The following CAMSAP3 variants were observed in gnomAD, a reference collection of about 807,000 sequenced individuals.
CAMSAP3 encodes calmodulin regulated spectrin associated protein family member 3.
In CAMSAP3, 34 loss-of-function variants were observed where a neutral mutation model predicts 112.5. The observed-to-expected ratio is 0.30, with a 90% CI of 0.23 to 0.40. The LOEUF (loss-of-function observed/expected upper bound fraction) is 0.40, where lower values mean the gene tolerates loss of function less well. CAMSAP3 is among the 10% of genes least tolerant of loss of function. CAMSAP3 has a pLI of 1.00. For missense variants in CAMSAP3, 1,602 were observed against 1,770.3 expected, an observed-to-expected ratio of 0.90 and a Z score of 1.71; for synonymous variants, 868 against 799.8, an observed-to-expected ratio of 1.09 and a Z score of -1.44.
Position 7,607,846 on chromosome 19 carries a change from A to G in CAMSAP3, c.622-280A>G. 3 of 1,382,798 alleles carry G rather than the reference A, an allele frequency of 2.2e-6. No homozygotes were observed. Among genetic ancestry groups the G allele is most frequent in the Non-Finnish European group, 2.9e-6 (3 of 1,023,576 alleles). 85.7% of individuals were successfully genotyped at this position (1,382,798 alleles called of 1,614,324 possible). On this transcript the variant is annotated intron_variant, in intron 4 of 16. Transcript: ENST00000160298. The surrounding 1 kb of genome is among the most constrained non-coding windows in gnomAD (Gnocchi z 4.9). ...CACGCAATTGCCTTCTGTTTGAAGG[A>G]GTCGGGGAGCAAACCCCCCATGGTA...
rs768798419 is a variant in CAMSAP3 at position 7,607,792 on chromosome 19, C to G, written c.622-334C>G. The G allele has an allele frequency of 4.3e-5, 45 of 1,053,128 alleles. 1 individual carries two copies. Among genetic ancestry groups the G allele is most frequent in the Middle Eastern group, 3.0e-4 (1 of 3,358 alleles). 65.2% of individuals were successfully genotyped at this position (1,053,128 alleles called of 1,614,324 possible). A position where few individuals can be genotyped will look rare whatever the true frequency, so the allele number is the denominator to read the frequency against. ...GCCCAGCAGGTCAGCACCCCTCCCC[C>G]TTGCTGATGGCTGCTCCTCTCCCCC... On this transcript the variant is annotated intron_variant, in intron 4 of 16. Coordinates refer to ENST00000160298, the MANE Select transcript of CAMSAP3 (RefSeq NM_020902.2). The surrounding 1 kb of genome is among the most constrained non-coding windows in gnomAD (Gnocchi z 4.9).
At chr19:7,616,450 A>T in intron 13 of CAMSAP3, 73 bp from the exon 14 acceptor site, 1 of 1,094,708 alleles carries the variant, frequency 9.1e-7, no homozygotes, top group Non-Finnish European at 1.4e-6. Flanking sequence ...TGTTCCCCCC[A>T]CAGCCTGCTG....
At chr19:7,596,286 G>T in intron 1 of CAMSAP3, 136 bp downstream of exon 1, 1 of 302,124 alleles carries the variant, frequency 3.3e-6, no homozygotes, top group Non-Finnish European at 4.9e-6. Flanking sequence ...CCCCGGGCTC[G>T]GGCCCCTGCC....
intron 3 of CAMSAP3, 30 bp downstream of exon 3, chr19:7,606,423 G>A (rs755352558): frequency 2.5e-6 from 4 of 1,612,182 alleles, no homozygotes; most frequent in Admixed American, 3.3e-5. Context: ...GGGTGGGTTC[G>A]GGGACCAGCA....
Position 7,600,085 on chromosome 19 carries a change from A to G in CAMSAP3, c.148+3935A>G, listed in dbSNP as rs189623645. On this transcript the variant is annotated intron_variant, in intron 1 of 16. Coordinates refer to ENST00000160298, the MANE Select transcript of CAMSAP3 (RefSeq NM_020902.2). Reference sequence around the variant, plus strand: ...CGCCCATCCATCCATCCACCCACCCATCCATCCACCTACCCACACTCCCAC... The same window carrying G: ...CGCCCATCCATCCATCCACCCACCCGTCCATCCACCTACCCACACTCCCAC... Among the ~76,000 whole-genome samples, 24 of 15,356 alleles carry G rather than the reference A, an allele frequency of 1.6e-3. 1 individual carries two copies. Among genetic ancestry groups the G allele is most frequent in the African/African-American group, 9.7e-3 (24 of 2,482 alleles). The allele number at this position is 15,356 out of a possible 152,430, so 10.1% of individuals were successfully genotyped here. A position where few individuals can be genotyped will look rare whatever the true frequency, so the allele number is the denominator to read the frequency against.
At chr19:7,609,023 TA>T (rs964073039) in intron 5 of CAMSAP3, among the ~76,000 whole-genome samples, 9 of 149,384 alleles carry the variant, frequency 6.0e-5, no homozygotes, top group Admixed American at 1.3e-4. Context: ...TCTTTTTTAT[TA>T]AAAAAAAAAT....
In CAMSAP3 at chr19:7,616,405, G is replaced by A. The variant is rs531402002; in HGVS notation, c.3113-118G>A. The A allele has an allele frequency of 7.9e-5, 59 of 744,100 alleles. No homozygotes were observed. The African/African-American group carries it at 8.9e-4, about 11-fold the overall frequency. The allele number at this position is 744,100 out of a possible 1,614,324, so 46.1% of individuals were successfully genotyped here. A position where few individuals can be genotyped will look rare whatever the true frequency, so the allele number is the denominator to read the frequency against. On this transcript the variant is annotated intron_variant, in intron 13 of 16. Coordinates refer to ENST00000160298, the MANE Select transcript of CAMSAP3 (RefSeq NM_020902.2). ...GTCCCCCCATAGGGGTGCTGCAGAG[G>A]GCCGAGGGGTCTTGGGCAGGACTGA...
Position 7,596,119 on chromosome 19 carries a change from G to A in CAMSAP3, c.117G>A (p.Ala39=), listed in dbSNP as rs1568436102. 1 of 1,244,124 alleles carries A rather than the reference G, an allele frequency of 8.0e-7. No individual in the cohort carries two copies. Among genetic ancestry groups the A allele is most frequent in the Non-Finnish European group, 1.0e-6 (1 of 965,518 alleles). The allele number at this position is 1,244,124 out of a possible 1,614,324, so 77.1% of individuals were successfully genotyped here. A position where few individuals can be genotyped will look rare whatever the true frequency, so the allele number is the denominator to read the frequency against. ...GGGCCAAGGCGGCGGCCAGCCTGGC[G>A]TGGGTGCTGCGGGCCGCGTTCGGGG... ...FSRAKAAASL[A]WVLRAAFGGA... Residue 39 remains alanine (A), a synonymous_variant, in exon 1 of 17, where the codon GCG becomes GCA. Transcript: ENST00000160298.
Position 7,611,064 on chromosome 19 carries a change from T to C in CAMSAP3, c.1050-31T>C, listed in dbSNP as rs1306352861. On this transcript the variant is annotated intron_variant, in intron 8 of 16. Transcript: ENST00000160298. This position sits in a 1 kb window ranked among gnomAD's most constrained non-coding sequence, Gnocchi z 6.9. Reference sequence around the variant, plus strand: ...GGAGAGGCGGAGGAGGAGGTGGGGGTCCTGAGGCTGAAGTACGTCTCTCCG... The same window carrying C: ...GGAGAGGCGGAGGAGGAGGTGGGGGCCCTGAGGCTGAAGTACGTCTCTCCG... The C allele has an allele frequency of 6.2e-7, 1 of 1,611,318 alleles. No individual in the cohort carries two copies. Among genetic ancestry groups the C allele is most frequent in the Non-Finnish European group, 8.5e-7 (1 of 1,178,534 alleles).
In CAMSAP3 at chr19:7,616,760, G is replaced by A. The variant is rs115869084; in HGVS notation, c.3212+138G>A. 2,143 of 631,200 alleles carry A rather than the reference G, an allele frequency of 3.4e-3. 28 individuals are homozygous for A. The African/African-American group carries it at 0.035, about 10-fold the overall frequency. 39.1% of individuals were successfully genotyped at this position (631,200 alleles called of 1,614,324 possible). On this transcript the variant is annotated intron_variant, in intron 14 of 16. Coordinates refer to ENST00000160298, the MANE Select transcript of CAMSAP3 (RefSeq NM_020902.2). ...ACGCCATGAAGAGATGGAGGGACGC[G>A]TGTGGGCACGTGTGCATGGGGCATA...
At position 7,608,236 on chromosome 19, in the gene CAMSAP3, C is replaced by G. The variant is rs201741898; in HGVS notation, c.732C>G (p.Cys244Trp). 125 of 1,612,570 alleles carry G rather than the reference C, an allele frequency of 7.8e-5. No individual in the cohort carries two copies. Among genetic ancestry groups the G allele is most frequent in the Non-Finnish European group, 1.0e-4 (121 of 1,179,728 alleles). ...CCGCGCTGGCCGCCACCATCCACTGCTATTGTCCCCAGCTGCTTCGACTTG... is the reference window on the plus strand; with the variant it reads ...CCGCGCTGGCCGCCACCATCCACTGGTATTGTCCCCAGCTGCTTCGACTTG... ...SGAALAATIHCYCPQLLRLEE... is the reference protein window; with the variant it reads ...SGAALAATIHWYCPQLLRLEE... The change falls in exon 5 of 17, where the codon TGC (cysteine) becomes TGG (tryptophan). Residue 244 changes from cysteine to tryptophan, a missense_variant. By Grantham distance (215) the Cys-to-Trp change is radical. This residue lies in a region of CAMSAP3 where 58 missense variants were observed against 108.4 expected (regional missense o/e 0.54). Coordinates refer to ENST00000160298, the MANE Select transcript of CAMSAP3 (RefSeq NM_020902.2).
chr19:7,614,135 A>C (rs1359016898), intron 11 of CAMSAP3, among the ~76,000 whole-genome samples: 7 of 150,866 alleles, frequency 4.6e-5, no homozygotes, highest in East Asian at 2.0e-4. Flanking sequence ...TGGCGGGCGC[A>C]TGTAGTCCCA....
At position 7,613,002 on chromosome 19, in the gene CAMSAP3, C is replaced by T; in HGVS notation, c.2509C>T (p.Pro837Ser). ...GGCGGAGGAGACGCCCCCCGAGGAGCCAGCCGCCCGGCCGGGCCTCATCGA... is the reference window on the plus strand; with the variant it reads ...GGCGGAGGAGACGCCCCCCGAGGAGTCAGCCGCCCGGCCGGGCCTCATCGA... ...LLAEETPPEE[P>S]AARPGLIEIP... Residue 837 changes from proline (P) to serine (S), a missense_variant, in exon 11 of 17, where the codon CCA becomes TCA. Physicochemically the swap from Pro to Ser is moderately conservative, Grantham distance 74. Around this residue, in one of 6 missense-constraint regions of CAMSAP3, gnomAD observed 1,100 missense variants for 1,135.7 expected, o/e 0.97. Coordinates refer to ENST00000160298, the MANE Select transcript of CAMSAP3 (RefSeq NM_020902.2). 3 of 1,572,072 alleles carry T rather than the reference C, an allele frequency of 1.9e-6. No homozygotes were observed. Among genetic ancestry groups the T allele is most frequent in the South Asian group, 2.3e-5 (2 of 86,192 alleles).
At chr19:7,599,228 CCCACCCATTCATTCATCCATCCAT>C (rs1309261098) in intron 1 of CAMSAP3, among the ~76,000 whole-genome samples, 1 of 150,332 alleles carries the variant, frequency 6.7e-6, no homozygotes, top group Non-Finnish European at 1.5e-5. Flanking sequence ...CATCCATCCA[CCCACCCATTCATTCATCCATCCAT>C]CCACCCACCC....
At chr19:7,606,641 C>T in intron 4 of CAMSAP3, 70 bp downstream of exon 4, 1 of 1,529,588 alleles carries the variant, frequency 6.5e-7, no homozygotes, top group Non-Finnish European at 8.8e-7. Flanking sequence ...GCTGTGCTTC[C>T]TGGACACTCC....
chr19:7,607,795 G>T lies in CAMSAP3; in HGVS notation c.622-331G>T. ...CAGCAGGTCAGCACCCCTCCCCCTT[G>T]CTGATGGCTGCTCCTCTCCCCCCAG... On this transcript the variant is annotated intron_variant, in intron 4 of 16. Transcript: ENST00000160298. This position sits in a 1 kb window ranked among gnomAD's most constrained non-coding sequence, Gnocchi z 4.9. The T allele has an allele frequency of 9.2e-7, 1 of 1,092,680 alleles. No individual in the cohort carries two copies. The highest frequency in any genetic ancestry group is 1.8e-5 in the South Asian group (1 of 56,324). The allele number at this position is 1,092,680 out of a possible 1,614,324, so 67.7% of individuals were successfully genotyped here. A position where few individuals can be genotyped will look rare whatever the true frequency, so the allele number is the denominator to read the frequency against.
intron 1 of CAMSAP3, among the ~76,000 whole-genome samples, chr19:7,599,235 AT>A (rs2029862885): frequency 7.1e-6 from 1 of 141,448 alleles, no homozygotes; most frequent in Non-Finnish European, 1.6e-5. Flanking sequence ...CCACCCACCC[AT>A]TCATTCATCC....
Position 7,610,748 on chromosome 19 carries a change from C to T in CAMSAP3, c.949C>T (p.Leu317Phe), listed in dbSNP as rs1457709488. 6 of 1,613,916 alleles carry T rather than the reference C, an allele frequency of 3.7e-6. No individual in the cohort carries two copies. Among genetic ancestry groups the T allele is most frequent in the Non-Finnish European group, 5.1e-6 (6 of 1,180,018 alleles). ...LAELFMCFEV[L>F]KPDFVQVKDL... ...CGAGTTGTTCATGTGTTTTGAGGTG[C>T]TCAAGCCCGACTTTGTGCAAGTGAA... Residue 317 changes from leucine (L) to phenylalanine (F), a missense_variant, in exon 7 of 17, where the codon CTC (leucine) becomes TTC (phenylalanine). Physicochemically the swap from Leu to Phe is conservative, Grantham distance 22 (BLOSUM62 0). Coordinates refer to ENST00000160298, the MANE Select transcript of CAMSAP3 (RefSeq NM_020902.2). The surrounding 1 kb of genome is among the most constrained non-coding windows in gnomAD (Gnocchi z 4.9).
Position 7,618,180 on chromosome 19 carries a change from C to T in CAMSAP3, c.*123C>T. On this transcript the variant is annotated 3_prime_UTR_variant, in exon 17 of 17. Transcript: ENST00000160298. ...CCGTGTCTGGGTGGGGCTGGAGTCT[C>T]CACCCTCTGACTTTGAGTCCAGTCC... 8.9e-7 allele frequency: 1 copy of T among 1,122,172 alleles called. No individual in the cohort carries two copies. Among genetic ancestry groups the T allele is most frequent in the East Asian group, 2.6e-5 (1 of 38,914 alleles). The allele number at this position is 1,122,172 out of a possible 1,614,324, so 69.5% of individuals were successfully genotyped here. A position where few individuals can be genotyped will look rare whatever the true frequency, so the allele number is the denominator to read the frequency against.
Sources: gnomAD v4.1 joint callset for allele counts (sites outside exome capture counted in the v4.1 genomes callset) on GRCh38, gnomAD v4.1.1 for gene constraint, gnomAD v4.1.1 regional missense constraint, Gnocchi (gnomAD v3.1) non-coding constraint, MANE v1.5 for transcripts, NCBI Gene and HGNC (gene_info 2026-07-23, HGNC 2026-07-21) for gene names.